The following VWA3B variants were observed in gnomAD, a reference collection of about 807,000 sequenced individuals.
The protein encoded by VWA3B is von Willebrand factor A domain-containing protein 3B.
Under a neutral mutation model 158.3 loss-of-function variants are expected in VWA3B, and 138 were observed. That is an observed-to-expected ratio of 0.87 (90% CI 0.76 to 1.00). The LOEUF is 1.00. Among genes scored for constraint, VWA3B ranks in the 50% least tolerant of loss-of-function variants. VWA3B has a pLI of 0.00. For missense variants in VWA3B, 1,555 were observed against 1,565.1 expected (o/e 0.99, Z 0.11); for synonymous variants, 596 against 587.3 (o/e 1.01, Z -0.21).
chr2:98,188,255 G>T, intron 10 of VWA3B, 126 bp downstream of exon 10: 1 of 1,279,836 alleles, frequency 7.8e-7, no homozygotes, highest in Non-Finnish European at 1.1e-6. Context: ...ATGTGATACA[G>T]AGTGATATTT....
intron 22 of VWA3B, 92 bp downstream of exon 22, chr2:98,270,975 T>A (rs1005266767): frequency 1.5e-5 from 19 of 1,233,878 alleles, no homozygotes; most frequent in Non-Finnish European, 2.3e-6. Context: ...TGTCTCCCAC[T>A]CCCCGCCACA....
intron 7 of VWA3B, among the ~76,000 whole-genome samples, chr2:98,162,261 A>G (rs1310724433): frequency 6.7e-6 from 1 of 149,764 alleles, no homozygotes; most frequent in Admixed American, 6.8e-5. Flanking sequence ...TCTCCTTGGC[A>G]TGAACTTCGA....
At chr2:98,211,586 T>C (rs1293104630) in intron 12 of VWA3B, among the ~76,000 whole-genome samples, 1 of 152,210 alleles carries the variant, frequency 6.6e-6, no homozygotes, top group African/African-American at 2.4e-5. Flanking sequence ...CACAGTGTAT[T>C]TAGGCTGCAT....
chr2:98,271,354 A>G (rs992476877), intron 22 of VWA3B, among the ~76,000 whole-genome samples: 4 of 152,096 alleles, frequency 2.6e-5, no homozygotes, highest in Admixed American at 6.5e-5. Flanking sequence ...AGTGTTAGCA[A>G]TTTTTTTTAA....
chr2:98,196,295 T>TCA (rs1364972803), intron 12 of VWA3B, among the ~76,000 whole-genome samples: 1 of 152,192 alleles, frequency 6.6e-6, no homozygotes, highest in African/African-American at 2.4e-5. Context: ...CAAAAATATG[T>TCA]CAGGTGACAG....
At chr2:98,196,753 G>A (rs1682083715) in intron 12 of VWA3B, among the ~76,000 whole-genome samples, 1 of 152,220 alleles carries the variant, frequency 6.6e-6, no homozygotes, top group Non-Finnish European at 1.5e-5. Context: ...AATGGGCTCA[G>A]AGGGAAGAGT....
At chr2:98,201,817 C>T (rs758521296) in intron 12 of VWA3B, among the ~76,000 whole-genome samples, 5 of 152,110 alleles carry the variant, frequency 3.3e-5, no homozygotes, top group Admixed American at 6.5e-5. Context: ...TGGTGCACTA[C>T]GTTGATTTGT....
intron 21 of VWA3B, among the ~76,000 whole-genome samples, chr2:98,257,007 G>A (rs566043147): frequency 6.6e-6 from 1 of 152,006 alleles, no homozygotes; most frequent in African/African-American, 2.4e-5. Flanking sequence ...GTTAACTATG[G>A]TCTCCCTACT....
intron 12 of VWA3B, among the ~76,000 whole-genome samples, chr2:98,203,024 G>A (rs1682700120): frequency 6.6e-6 from 1 of 152,088 alleles, no homozygotes; most frequent in Admixed American, 6.6e-5. Context: ...GTAGAGACGG[G>A]GTTTCTCCAT....
intron 7 of VWA3B, among the ~76,000 whole-genome samples, chr2:98,139,812 G>A (rs1676611659): frequency 6.6e-6 from 1 of 152,178 alleles, no homozygotes; most frequent in Non-Finnish European, 1.5e-5. Context: ...GAGAATAAAA[G>A]CAGGCTGCCC....
rs1328390676 is a variant in VWA3B, at chr2:98,310,209, G to A, written c.3522-1610G>A. Among the ~76,000 whole-genome samples the A allele has an allele frequency of 3.3e-5, 5 of 152,136 alleles. No homozygotes were observed. In the East Asian group the frequency reaches 9.6e-4, roughly 29 times the overall value. On this transcript the variant is annotated intron_variant, in intron 26 of 27. Coordinates refer to ENST00000477737, the MANE Select transcript of VWA3B (RefSeq NM_144992.5). ...CTTTATGTTCTAAGGCAGCCTTGCT[G>A]AGAGAGAGACACTTAGGGCACAATA...
Position 98,312,618 on chromosome 2 carries a change from C to T in VWA3B, c.*269C>T. On this transcript the variant is annotated 3_prime_UTR_variant, in exon 28 of 28. Coordinates refer to ENST00000477737, the MANE Select transcript of VWA3B (RefSeq NM_144992.5). ...ATTGTATTCCATCTTCTGGTAGACG[C>T]CCCACCCCCAGAAGTTTTAACCTGA... The T allele has an allele frequency of 2.6e-6, 1 of 386,640 alleles. No homozygotes were observed. The highest frequency in any genetic ancestry group is 4.6e-6 in the Non-Finnish European group (1 of 216,442). The allele number at this position is 386,640 out of a possible 1,614,324, so 24.0% of individuals were successfully genotyped here. A position where few individuals can be genotyped will look rare whatever the true frequency, so the allele number is the denominator to read the frequency against.
chr2:98,187,036 C>T (rs1414290539), intron 9 of VWA3B, among the ~76,000 whole-genome samples: 1 of 152,146 alleles, frequency 6.6e-6, no homozygotes, highest in Admixed American at 6.5e-5. Flanking sequence ...GGTGGACTCC[C>T]AGCTCAGGCC....
At chr2:98,270,371 GA>G (rs908842110) in intron 21 of VWA3B, among the ~76,000 whole-genome samples, 10 of 151,044 alleles carry the variant, frequency 6.6e-5, no homozygotes, top group African/African-American at 1.2e-4. Context: ...CAAATACGGA[GA>G]AAAAAAAATG....
chr2:98,114,657 C>T (rs1205199613), intron 2 of VWA3B, among the ~76,000 whole-genome samples: 2 of 152,154 alleles, frequency 1.3e-5, no homozygotes, highest in African/African-American at 2.4e-5. Flanking sequence ...ATTAAAATTA[C>T]AATAAAATAA....
At chr2:98,245,295 G>A (rs1336018345) in intron 19 of VWA3B, 3 of 275,622 alleles carry the variant, frequency 1.1e-5, no homozygotes, top group African/African-American at 6.7e-5. Flanking sequence ...CTCCCCACTT[G>A]CTTTCTTACA....
At chr2:98,308,151 T>G (rs1342779629) in intron 26 of VWA3B, among the ~76,000 whole-genome samples, 2 of 152,250 alleles carry the variant, frequency 1.3e-5, no homozygotes, top group Admixed American at 1.3e-4. Context: ...TTATCAATAT[T>G]GCTAAATTCC....
At chr2:98,292,954 ACT>A in intron 23 of VWA3B, among the ~76,000 whole-genome samples, 1 of 151,560 alleles carries the variant, frequency 6.6e-6, no homozygotes, top group Non-Finnish European at 1.5e-5. Context: ...ACAGAGTGAG[ACT>A]CTATCTCCAA....
chr2:98,230,839 G>A (rs150418460), intron 16 of VWA3B, among the ~76,000 whole-genome samples: 1 of 152,240 alleles, frequency 6.6e-6, no homozygotes, highest in South Asian at 2.1e-4. Flanking sequence ...CAGAAAGATT[G>A]GAAAGGAAGA....
Sources: gnomAD v4.1 joint callset for allele counts (sites outside exome capture counted in the v4.1 genomes callset) on GRCh38, gnomAD v4.1.1 for gene constraint, MANE v1.5 for transcripts, NCBI Gene and HGNC (gene_info 2026-07-23, HGNC 2026-07-21) for gene names.